Variants in LY75 observed in about 807,000 individuals in gnomAD.
LY75 encodes the protein lymphocyte antigen 75.
LY75 carries 185 observed loss-of-function variants against 231.7 expected under a neutral mutation model. The ratio of observed to expected loss-of-function variants is 0.80; its 90% CI spans 0.71 to 0.90. The LOEUF (loss-of-function observed/expected upper bound fraction) is 0.90, where lower values mean the gene tolerates loss of function less well. Among genes scored for constraint, LY75 ranks in the 40% least tolerant of loss-of-function variants. The probability of loss-of-function intolerance (pLI) is 0.00; values close to 1 mark genes in which losing one functional copy is unlikely to be tolerated. For missense variants in LY75, 1,947 were observed against 2,050.2 expected (o/e 0.95, Z 0.97); for synonymous variants, 668 against 689.0 (o/e 0.97, Z 0.48).
chr2:159,856,431 T>C (rs769651083), intron 16 of LY75, among the ~76,000 whole-genome samples: 4 of 152,158 alleles, frequency 2.6e-5, no homozygotes, highest in Admixed American at 6.5e-5. Flanking sequence ...AGAGGCATGG[T>C]GATTTAGAAT....
At chr2:159,820,986 C>A (rs1461791988) in intron 28 of LY75, among the ~76,000 whole-genome samples, 2 of 152,140 alleles carry the variant, frequency 1.3e-5, no homozygotes, top group Non-Finnish European at 1.5e-5. Context: ...TTACAGGTGC[C>A]CACCACCGCG....
chr2:159,851,342 C>G (rs373511852), intron 21 of LY75, among the ~76,000 whole-genome samples: 26 of 152,102 alleles, frequency 1.7e-4, no homozygotes, highest in Middle Eastern at 3.4e-3. Flanking sequence ...CTTGAAATAT[C>G]TTACAAAAAA....
intron 28 of LY75, among the ~76,000 whole-genome samples, chr2:159,830,038 T>C (rs1683600266): frequency 6.6e-6 from 1 of 152,210 alleles, no homozygotes; most frequent in Admixed American, 6.5e-5. Flanking sequence ...TTCTCCATTT[T>C]AATTCAAGGG....
chr2:159,829,192 G>A (rs1427178839), intron 28 of LY75, among the ~76,000 whole-genome samples: 1 of 152,118 alleles, frequency 6.6e-6, no homozygotes, highest in Non-Finnish European at 1.5e-5. Context: ...ATCTCCCAAG[G>A]CAAGACCCCT....
At chr2:159,844,639 A>G (rs1025659562) in intron 23 of LY75, among the ~76,000 whole-genome samples, 6 of 151,990 alleles carry the variant, frequency 3.9e-5, no homozygotes, top group Non-Finnish European at 7.4e-5. Context: ...ATTATTAGCT[A>G]CTTAGGAAAC....
In LY75 at chr2:159,879,265, T is replaced by C; in HGVS notation, c.1509A>G (p.Pro503=). 1 of 1,612,194 alleles carries C rather than the reference T, an allele frequency of 6.2e-7. No individual in the cohort carries two copies. Among genetic ancestry groups the C allele is most frequent in the Non-Finnish European group, 8.5e-7 (1 of 1,179,576 alleles). ...ACATAGGGATTTTACCTACCTCATC[T>C]GGAGGACACATCTTATCAGAACTTG... ...NDASSDKMCP[P]DEGWKRHGET... The change falls in exon 9 of 35, where the codon CCA becomes CCG. Residue 503 remains proline (P), a synonymous_variant. Transcript: ENST00000263636.
intron 33 of LY75, 105 bp downstream of exon 33, chr2:159,808,344 G>T: frequency 1.3e-6 from 2 of 1,570,576 alleles, no homozygotes; most frequent in South Asian, 1.1e-5. Flanking sequence ...TCCAGAAGAG[G>T]CATCTGAATT....
intron 23 of LY75, among the ~76,000 whole-genome samples, chr2:159,843,541 ATTATC>A (rs535880711): frequency 3.9e-5 from 6 of 151,952 alleles, no homozygotes; most frequent in Non-Finnish European, 7.4e-5. Flanking sequence ...CTTTAAATAA[ATTATC>A]TTATATAATC....
At chr2:159,855,497 G>A (rs1377834080) in intron 16 of LY75, among the ~76,000 whole-genome samples, 5 of 152,202 alleles carry the variant, frequency 3.3e-5, no homozygotes, top group African/African-American at 1.2e-4. Flanking sequence ...ATAATTAAAA[G>A]TGACTCAGGA....
chr2:159,891,964 T>C (rs1482396206), intron 3 of LY75, among the ~76,000 whole-genome samples: 1 of 152,238 alleles, frequency 6.6e-6, no homozygotes, highest in Non-Finnish European at 1.5e-5. Flanking sequence ...CAATTATAGC[T>C]GAAGAAAATA....
intron 32 of LY75, among the ~76,000 whole-genome samples, chr2:159,809,464 T>TTA (rs1325242867): frequency 6.6e-6 from 1 of 152,168 alleles, no homozygotes; most frequent in East Asian, 1.9e-4. Context: ...GAGGCTAAGC[T>TTA]TATGTATTAA....
Position 159,816,911 on chromosome 2 carries a change from A to G in LY75, c.4275T>C (p.Ser1425=). 6.2e-7 allele frequency: 1 copy of G among 1,614,200 alleles called. No homozygotes were observed. The highest frequency in any genetic ancestry group is 8.5e-7 in the Non-Finnish European group (1 of 1,180,030). ...TGTGAACGCTTGCCAAGTGACCTCC[A>G]CTTTGAGAACACATGTTTAATGCTT... is the stretch of plus-strand genomic sequence containing the variant. ...WYEALNMCSQ[S]GGHLASVHNQ... Residue 1425 remains serine, a synonymous_variant, in exon 30 of 35, where the codon AGT becomes AGC. Coordinates refer to ENST00000263636, the MANE Select transcript of LY75 (RefSeq NM_002349.4).
rs1574581807 is a variant in LY75 at position 159,875,385 on chromosome 2, T to C, written c.1974+59A>G. 6.0e-5 allele frequency: 94 copies of C among 1,577,364 alleles called. No individual in the cohort carries two copies. In the East Asian group the frequency reaches 2.1e-3, roughly 35 times the overall value. On this transcript the variant is annotated intron_variant, in intron 12 of 34. Transcript: ENST00000263636. ...GAAGAGCATAATTTGTACAAGGACA[T>C]GAACAAGGGTAGTGGAAAAATAACT...
rs371209977 is a variant in LY75 at position 159,862,661 on chromosome 2, T to C, written c.2200-1772A>G. Among the ~76,000 whole-genome samples, 518 of 127,782 alleles carry C rather than the reference T, an allele frequency of 4.1e-3. 4 individuals carry two copies. Among genetic ancestry groups the C allele is most frequent in the African/African-American group, 0.013 (509 of 38,234 alleles). 83.8% of individuals were successfully genotyped at this position (127,782 alleles called of 152,430 possible). Reference sequence around the variant, plus strand: ...ATAATTTTAATGGTTGTATGATACGTGAATGTATTTATTTTATTTTTTAAA... The same window carrying C: ...ATAATTTTAATGGTTGTATGATACGCGAATGTATTTATTTTATTTTTTAAA... On this transcript the variant is annotated intron_variant, in intron 14 of 34. Transcript: ENST00000263636.
intron 13 of LY75, among the ~76,000 whole-genome samples, chr2:159,870,777 G>A (rs1476215921): frequency 6.6e-6 from 1 of 151,388 alleles, no homozygotes; most frequent in Non-Finnish European, 1.5e-5. Context: ...CCCCCAAAGT[G>A]CTGGGATTAC....
At chr2:159,820,051 T>C in intron 28 of LY75, 131 bp from the exon 29 acceptor site, 3 of 771,926 alleles carry the variant, frequency 3.9e-6, no homozygotes, top group South Asian at 3.4e-5. Context: ...TGATTATGTA[T>C]AACCCTTTAA....
chr2:159,859,075 C>G (rs986474909), intron 15 of LY75, among the ~76,000 whole-genome samples: 1 of 152,314 alleles, frequency 6.6e-6, no homozygotes. Context: ...GTTCCTGATG[C>G]AGGTTGCATT....
intron 33 of LY75, among the ~76,000 whole-genome samples, chr2:159,807,417 T>G (rs1682823281): frequency 6.6e-6 from 1 of 152,236 alleles, no homozygotes; most frequent in East Asian, 1.9e-4. Flanking sequence ...ACAACACAGA[T>G]AGAGAATGTG....
chr2:159,858,467 T>G lies in LY75; in HGVS notation c.2278A>C (p.Arg760=), dbSNP rs754653478. 6.2e-7 allele frequency: 1 copy of G among 1,611,422 alleles called. No homozygotes were observed. The highest frequency in any genetic ancestry group is 1.7e-5 in the Admixed American group (1 of 59,640). ...AAATGCCAGCCTCTTCGCCATGGCC[T>G]ATGAAATACCTATAAGAGGAAAAGT... ...RDCAAVKVFH[R]PWRRGWHFYD... is the part of the protein sequence containing the mutation. Residue 760 remains arginine (R), a synonymous_variant, in exon 16 of 35, where the codon AGG becomes CGG. Transcript: ENST00000263636.
Sources: allele counts gnomAD v4.1 joint callset (sites outside exome capture counted in the v4.1 genomes callset), GRCh38; gene constraint gnomAD v4.1.1; transcripts MANE v1.5; gene names NCBI Gene and HGNC (gene_info 2026-07-23, HGNC 2026-07-21).